The following FAM184B variants were observed in gnomAD, a reference collection of about 807,000 sequenced individuals.
FAM184B encodes the protein family with sequence similarity 184 member B.
FAM184B carries 111 observed loss-of-function variants against 135.9 expected under a neutral mutation model. The ratio of observed to expected loss-of-function variants is 0.82; its 90% confidence interval spans 0.70 to 0.96. The LOEUF (loss-of-function observed/expected upper bound fraction) is 0.96. Among genes scored for constraint, FAM184B ranks in the 40% least tolerant of loss-of-function variants. FAM184B has a pLI of 0.00. For missense variants in FAM184B, 1,375 were observed against 1,323.9 expected (o/e 1.04, Z -0.60); for synonymous variants, 552 against 524.8 (o/e 1.05, Z -0.71).
chr4:17,636,724 G>A lies in FAM184B; in HGVS notation c.2667-79C>T, dbSNP rs1185102845. On this transcript the variant is annotated intron_variant, in intron 14 of 17. Coordinates refer to ENST00000265018, the MANE Select transcript of FAM184B (RefSeq NM_015688.2). ...GAGGGAGAACAAGTGCACACGATGG[G>A]AATGCCATCCTGTGTTCAGCCCGGC... 5.0e-6 allele frequency: 6 copies of A among 1,193,186 alleles called. No individual in the cohort carries two copies. The East Asian group carries it at 8.0e-5, about 16-fold the overall frequency. The allele number at this position is 1,193,186 out of a possible 1,614,324, so 73.9% of individuals were successfully genotyped here. A position where few individuals can be genotyped will look rare whatever the true frequency, so the allele number is the denominator to read the frequency against.
At chr4:17,757,393 G>A (rs2108991028) in intron 1 of FAM184B, among the ~76,000 whole-genome samples, 1 of 152,236 alleles carries the variant, frequency 6.6e-6, no homozygotes, top group South Asian at 2.1e-4. Flanking sequence ...AAACTTTTAT[G>A]AGACAGAACT....
chr4:17,660,209 T>C (rs1715881913), intron 8 of FAM184B, 122 bp from the exon 9 acceptor site: 14 of 1,168,636 alleles, frequency 1.2e-5, no homozygotes, highest in Middle Eastern at 2.9e-4. Context: ...TTAGTGGGGA[T>C]TAGAAACATC....
At chr4:17,634,178 G>A (rs1403515045) in intron 16 of FAM184B, 4 of 263,658 alleles carry the variant, frequency 1.5e-5, no homozygotes, top group Admixed American at 5.3e-5. Context: ...ACCCCCAGCA[G>A]GGGATGGGCC....
intron 2 of FAM184B, among the ~76,000 whole-genome samples, chr4:17,708,621 G>T (rs1717167914): frequency 8.1e-6 from 1 of 123,352 alleles, no homozygotes; most frequent in Non-Finnish European, 1.6e-5. Context: ...CTCCTGCCTG[G>T]GTGACAGAGT....
intron 1 of FAM184B, among the ~76,000 whole-genome samples, chr4:17,710,747 A>G (rs756216890): frequency 6.6e-6 from 1 of 152,206 alleles, no homozygotes; most frequent in Non-Finnish European, 1.5e-5. Flanking sequence ...GAAGCCCGGG[A>G]ATGAAGAATG....
chr4:17,652,840 G>A lies in FAM184B; in HGVS notation c.2181C>T (p.Ala727=). The change falls in exon 11 of 18, where the codon GCC becomes GCT. Residue 727 remains alanine, a synonymous_variant. Coordinates refer to ENST00000265018, the MANE Select transcript of FAM184B (RefSeq NM_015688.2). ...EERERMQAQQ[A]LLLESLRQEL... ...CTATTGGGTGTATACCTAGCAGCAG[G>A]GCCTGCTGTGCCTGCATCCTCTCAC... 1 of 1,551,152 alleles carries A rather than the reference G, an allele frequency of 6.4e-7. No individual in the cohort carries two copies. Among genetic ancestry groups the A allele is most frequent in the Non-Finnish European group, 8.7e-7 (1 of 1,146,896 alleles).
intron 1 of FAM184B, among the ~76,000 whole-genome samples, chr4:17,724,732 C>T (rs1011541414): frequency 5.3e-5 from 8 of 152,198 alleles, no homozygotes; most frequent in Admixed American, 2.0e-4. Flanking sequence ...AATTCAACCT[C>T]GCATAAAGCT....
chr4:17,717,944 C>T (rs917483263), intron 1 of FAM184B, among the ~76,000 whole-genome samples: 1 of 152,150 alleles, frequency 6.6e-6, no homozygotes, highest in South Asian at 2.1e-4. Context: ...GCCGTGATTA[C>T]TTTTAAACCA....
chr4:17,737,990 T>C (rs1052989058), intron 1 of FAM184B, among the ~76,000 whole-genome samples: 3 of 152,154 alleles, frequency 2.0e-5, no homozygotes, highest in African/African-American at 4.8e-5. Flanking sequence ...GGATATAGAC[T>C]GTCAGCTATT....
At chr4:17,670,000 T>C (rs909247902) in intron 7 of FAM184B, among the ~76,000 whole-genome samples, 10 of 152,228 alleles carry the variant, frequency 6.6e-5, no homozygotes, top group African/African-American at 2.4e-4. Context: ...AAATTGACCC[T>C]GAATTGGTTT....
At chr4:17,719,152 A>G (rs1299459715) in intron 1 of FAM184B, among the ~76,000 whole-genome samples, 1 of 152,222 alleles carries the variant, frequency 6.6e-6, no homozygotes, top group African/African-American at 2.4e-5. Flanking sequence ...ACTTATAACA[A>G]TGTACTAGCA....
At chr4:17,707,926 C>T in intron 2 of FAM184B, 142 bp from the exon 3 acceptor site, 1 of 825,610 alleles carries the variant, frequency 1.2e-6, no homozygotes, top group Non-Finnish European at 1.8e-6. Flanking sequence ...TGGCCCAGGG[C>T]TCATCAAATC....
intron 1 of FAM184B, among the ~76,000 whole-genome samples, chr4:17,729,716 A>G (rs1027370540): frequency 1.3e-5 from 2 of 152,258 alleles, no homozygotes; most frequent in Non-Finnish European, 2.9e-5. Flanking sequence ...TGTCTGTTAG[A>G]AGGAAAACTA....
rs183324632 is a variant in FAM184B, at chr4:17,683,905, G to A, written c.1596+4519C>T. ...AGCCTGGACAGCATGATGAAGGCTC[G>A]TCTCTACAAAAAATTCAAAAATTAG... On this transcript the variant is annotated intron_variant, in intron 7 of 17. Coordinates refer to ENST00000265018, the MANE Select transcript of FAM184B (RefSeq NM_015688.2). Among the ~76,000 whole-genome samples, 284 of 151,598 alleles carry A rather than the reference G, an allele frequency of 1.9e-3. 3 individuals carry two copies. The South Asian group carries it at 0.023, about 12-fold the overall frequency.
At chr4:17,644,263 C>G (rs1210648598) in intron 12 of FAM184B, among the ~76,000 whole-genome samples, 1 of 152,178 alleles carries the variant, frequency 6.6e-6, no homozygotes, top group Admixed American at 6.5e-5. Flanking sequence ...AATACCAAAG[C>G]CTGGCAGAGA....
At position 17,636,564 on chromosome 4, in the gene FAM184B, G is replaced by T; in HGVS notation, c.2748C>A (p.Arg916=). 1 of 1,551,034 alleles carries T rather than the reference G, an allele frequency of 6.4e-7. No individual in the cohort carries two copies. The highest frequency in any genetic ancestry group is 8.7e-7 in the Non-Finnish European group (1 of 1,146,854). Residue 916 remains arginine (R), a synonymous_variant, in exon 15 of 18, where the codon CGC becomes CGA. Coordinates refer to ENST00000265018, the MANE Select transcript of FAM184B (RefSeq NM_015688.2). ...TGATGATGTCCTCTCTCTCCTTCAG[G>T]CGGGTCTGCAGGCGGCCAATGAGCT... is the stretch of plus-strand genomic sequence containing the variant. ...DLQLIGRLQT[R]LKEREDIIKQ... is the part of the protein sequence containing the mutation.
At chr4:17,726,576 T>C (rs532869187) in intron 1 of FAM184B, among the ~76,000 whole-genome samples, 51 of 152,256 alleles carry the variant, frequency 3.3e-4, no homozygotes, top group African/African-American at 1.2e-3. Flanking sequence ...TTCACCATGT[T>C]GGTCAGGCTG....
At chr4:17,775,155 C>T (rs1210913375) in intron 1 of FAM184B, among the ~76,000 whole-genome samples, 2 of 151,180 alleles carry the variant, frequency 1.3e-5, no homozygotes, top group Admixed American at 6.6e-5. Context: ...CACCACCATG[C>T]CCAGCTAATT....
chr4:17,667,645 C>T (rs1276674958), intron 7 of FAM184B, among the ~76,000 whole-genome samples: 1 of 152,204 alleles, frequency 6.6e-6, no homozygotes, highest in Non-Finnish European at 1.5e-5. Flanking sequence ...TTATCTTCCC[C>T]CTGGGGTGGA....
Sources: allele counts gnomAD v4.1 joint callset (sites outside exome capture counted in the v4.1 genomes callset), GRCh38; gene constraint gnomAD v4.1.1; transcripts MANE v1.5; gene names NCBI Gene and HGNC (gene_info 2026-07-23, HGNC 2026-07-21).